The following GREB1 variants were observed in gnomAD, a reference collection of about 807,000 sequenced individuals.
The protein encoded by GREB1 is growth regulating estrogen receptor binding 1, also known as protein GREB1.
In GREB1, 106 loss-of-function variants were observed where a neutral mutation model predicts 200.7. The observed-to-expected ratio is 0.53, with a 90% CI of 0.45 to 0.62. The LOEUF (loss-of-function observed/expected upper bound fraction) is 0.62, where lower values mean the gene tolerates loss of function less well. GREB1 is among the 20% of genes least tolerant of loss of function. The pLI is 0.00. For synonymous variants in GREB1, 1,132 were observed against 1,092.4 expected, an observed-to-expected ratio of 1.04 and a Z score of -0.72; for missense variants, 2,243 against 2,556.8, an observed-to-expected ratio of 0.88 and a Z score of 2.65.
chr2:11,634,473 G>T (rs1210719624), intron 29 of GREB1, 124 bp downstream of exon 29: 3 of 680,744 alleles, frequency 4.4e-6, no homozygotes, highest in Non-Finnish European at 7.6e-6. Context: ...GCTCTCCGTT[G>T]TCCCAGTTTT....
chr2:11,617,695 G>A (rs1404940296), intron 21 of GREB1, among the ~76,000 whole-genome samples: 2 of 152,182 alleles, frequency 1.3e-5, no homozygotes, highest in African/African-American at 4.8e-5. Context: ...GCGGGGACGG[G>A]TGTGTGCGGT....
chr2:11,600,695 C>A, intron 15 of GREB1, 105 bp from the exon 16 acceptor site: 3 of 870,066 alleles, frequency 3.4e-6, no homozygotes, highest in South Asian at 1.5e-5. Context: ...AATCTTTAGT[C>A]GTTGGTAAAG....
At chr2:11,513,467 C>T (rs1026978123) in intron 1 of GREB1, among the ~76,000 whole-genome samples, 11 of 152,174 alleles carry the variant, frequency 7.2e-5, no homozygotes, top group African/African-American at 2.7e-4. Flanking sequence ...CTTAGTCTAG[C>T]CCAGTATGGG....
chr2:11,629,940 C>T lies in GREB1; in HGVS notation c.4450-8C>T, dbSNP rs767395299. The T allele has an allele frequency of 2.5e-6, 4 of 1,613,376 alleles. No homozygotes were observed. Among genetic ancestry groups the T allele is most frequent in the South Asian group, 1.1e-5 (1 of 90,950 alleles). ...ACGGCAAGCTCTGTCCTTTCCCCCA[C>T]ACCCCAGCTGTATGAGTCCACCCTG... On this transcript the variant is annotated splice_region_variant and splice_polypyrimidine_tract_variant and intron_variant, in intron 25 of 32. Transcript: ENST00000381486. The surrounding 1 kb of genome is among the most constrained non-coding windows in gnomAD (Gnocchi z 5.2).
chr2:11,566,573 C>G lies in GREB1; in HGVS notation c.371C>G (p.Ser124Cys). The G allele has an allele frequency of 1.9e-6, 3 of 1,613,966 alleles. No individual in the cohort carries two copies. Among genetic ancestry groups the G allele is most frequent in the Non-Finnish European group, 2.5e-6 (3 of 1,179,950 alleles). ...GGCTTTCTCCTCGTGGGGGTCAAGT[C>G]CCCCAGCCTGCCGGACCATCTCCTG... ...PAGFLLVGVK[S>C]PSLPDHLLVC... The change falls in exon 4 of 33, where the codon TCC (serine) becomes TGC (cysteine). Residue 124 changes from serine (S) to cysteine (C), a missense_variant. Ser to Cys is a moderately radical substitution (Grantham distance 112). Transcript: ENST00000381486.
rs1166823172 is a variant in GREB1 at position 11,629,621 on chromosome 2, G to A, written c.4450-327G>A. Among the ~76,000 whole-genome samples, 1 of 152,234 alleles carries A rather than the reference G, an allele frequency of 6.6e-6. No homozygotes were observed. Among genetic ancestry groups the A allele is most frequent in the African/African-American group, 2.4e-5 (1 of 41,456 alleles). ...AATGAGCTCTGTAGCATGAATGCTT[G>A]AGTTGGTGACCCAGAACAGGGCTCT... On this transcript the variant is annotated intron_variant, in intron 25 of 32. Transcript: ENST00000381486. The surrounding 1 kb of genome is among the most constrained non-coding windows in gnomAD (Gnocchi z 5.2).
In GREB1 at chr2:11,633,645, CA is replaced by C. The variant is rs1421007175; in HGVS notation, c.4992-480del. Among the ~76,000 whole-genome samples, 1 of 151,548 alleles carries C rather than the reference CA, an allele frequency of 6.6e-6. No individual in the cohort carries two copies. The highest frequency in any genetic ancestry group is 2.4e-5 in the African/African-American group (1 of 41,272). ...CTATCCATTTAGTATAATATATAGA[CA>C]AAAAAGAAAGTATAATACATATACA... On this transcript the variant is annotated intron_variant, in intron 28 of 32. Coordinates refer to ENST00000381486, the MANE Select transcript of GREB1 (RefSeq NM_014668.4). The surrounding 1 kb of genome is among the most constrained non-coding windows in gnomAD (Gnocchi z 4.1).
At chr2:11,626,630 G>A (rs1572187687) in intron 24 of GREB1, among the ~76,000 whole-genome samples, 1 of 152,296 alleles carries the variant, frequency 6.6e-6, no homozygotes, top group East Asian at 1.9e-4. Flanking sequence ...CAGTTCATCT[G>A]CATTCAGAGC....
At chr2:11,519,792 A>G (rs1673644230) in intron 1 of GREB1, among the ~76,000 whole-genome samples, 1 of 152,172 alleles carries the variant, frequency 6.6e-6, no homozygotes, top group African/African-American at 2.4e-5. Flanking sequence ...CTCACCCTCA[A>G]GACTAAAGTT....
Position 11,598,611 on chromosome 2 carries a change from G to A in GREB1, c.2153-69G>A, listed in dbSNP as rs1371450983. ...CTGCTGTGTAGGAGTCGCTCCTCAG[G>A]TGTCTGTTGAGTGAATGAAACCCAG... On this transcript the variant is annotated intron_variant, in intron 14 of 32. Coordinates refer to ENST00000381486, the MANE Select transcript of GREB1 (RefSeq NM_014668.4). 3 of 1,393,484 alleles carry A rather than the reference G, an allele frequency of 2.2e-6. No individual in the cohort carries two copies. In the East Asian group the frequency reaches 6.9e-5, roughly 32 times the overall value. The allele number at this position is 1,393,484 out of a possible 1,614,324, so 86.3% of individuals were successfully genotyped here.
intron 23 of GREB1, 64 bp downstream of exon 23, chr2:11,621,071 T>G: frequency 3.2e-6 from 3 of 924,550 alleles, no homozygotes; most frequent in Non-Finnish European, 5.4e-6. Context: ...CAAGTGACTT[T>G]AATTTTATAT....
chr2:11,617,344 C>T lies in GREB1; in HGVS notation c.3412+624C>T, dbSNP rs79484615. Among the ~76,000 whole-genome samples the T allele has an allele frequency of 1.5e-3, 233 of 152,322 alleles. 1 individual carries two copies. Among genetic ancestry groups the T allele is most frequent in the African/African-American group, 5.0e-3 (208 of 41,574 alleles). Reference sequence around the variant, plus strand: ...CAGGGGCCACCGTCGGCCATCAGCACGCACAGTCCCTGTCTTTCCGCCAAA... The same window carrying T: ...CAGGGGCCACCGTCGGCCATCAGCATGCACAGTCCCTGTCTTTCCGCCAAA... On this transcript the variant is annotated intron_variant, in intron 21 of 32. Coordinates refer to ENST00000381486, the MANE Select transcript of GREB1 (RefSeq NM_014668.4).
At chr2:11,558,211 A>G (rs1266209921) in intron 2 of GREB1, among the ~76,000 whole-genome samples, 1 of 152,200 alleles carries the variant, frequency 6.6e-6, no homozygotes, top group African/African-American at 2.4e-5. Context: ...TAAAAAGGGG[A>G]CAGACAAGGG....
intron 1 of GREB1, among the ~76,000 whole-genome samples, chr2:11,528,148 T>C (rs1673950209): frequency 6.6e-6 from 1 of 152,232 alleles, no homozygotes; most frequent in African/African-American, 2.4e-5. Context: ...ACCAGGAAAG[T>C]GCCCTGAATT....
At chr2:11,622,136 A>G (rs552995941) in intron 23 of GREB1, among the ~76,000 whole-genome samples, 58 of 152,314 alleles carry the variant, frequency 3.8e-4, no homozygotes, top group African/African-American at 1.3e-3. Flanking sequence ...GCTGGAGTGC[A>G]GTGGCACCAT....
intron 1 of GREB1, among the ~76,000 whole-genome samples, chr2:11,553,190 A>G (rs1290973476): frequency 6.6e-6 from 1 of 152,116 alleles, no homozygotes; most frequent in Non-Finnish European, 1.5e-5. Flanking sequence ...GTTTAGGGCT[A>G]TAAAATAAAG....
chr2:11,537,946 T>C (rs1674375033), intron 1 of GREB1, among the ~76,000 whole-genome samples: 1 of 152,124 alleles, frequency 6.6e-6, no homozygotes, highest in Non-Finnish European at 1.5e-5. Flanking sequence ...CACATAGCTT[T>C]TATGCATTTA....
chr2:11,569,222 T>A (rs1678010928), intron 4 of GREB1, among the ~76,000 whole-genome samples: 1 of 152,158 alleles, frequency 6.6e-6, no homozygotes, highest in Non-Finnish European at 1.5e-5. Context: ...TTTTCTTAGA[T>A]GGGAGTAAAC....
chr2:11,542,039 T>TGACC (rs1674806063), intron 1 of GREB1, among the ~76,000 whole-genome samples: 1 of 151,952 alleles, frequency 6.6e-6, no homozygotes, highest in East Asian at 1.9e-4. Context: ...CCCCCATCTC[T>TGACC]TCTATTTTGC....
Sources: allele counts gnomAD v4.1 joint callset (sites outside exome capture counted in the v4.1 genomes callset), GRCh38; gene constraint gnomAD v4.1.1; non-coding constraint Gnocchi (gnomAD v3.1); transcripts MANE v1.5; gene names NCBI Gene and HGNC (gene_info 2026-07-23, HGNC 2026-07-21).